TMPRSS15: variants seen among roughly 807,000 people sequenced by gnomAD.
TMPRSS15 encodes enteropeptidase.
In TMPRSS15, 128 loss-of-function variants were observed where a neutral mutation model predicts 125.3. The observed-to-expected ratio is 1.02, with a 90% CI of 0.89 to 1.18. TMPRSS15 has a LOEUF of 1.18. TMPRSS15 is among the 50% of genes most tolerant of loss of function. TMPRSS15 has a pLI of 0.00. For synonymous variants in TMPRSS15, 446 were observed against 423.2 expected, an observed-to-expected ratio of 1.05 and a Z score of -0.66; for missense variants, 1,283 against 1,212.7, an observed-to-expected ratio of 1.06 and a Z score of -0.86.
intron 1 of TMPRSS15, among the ~76,000 whole-genome samples, chr21:18,400,356 T>C (rs1041052745): frequency 3.3e-5 from 5 of 152,192 alleles, no homozygotes; most frequent in African/African-American, 1.2e-4. Flanking sequence ...TAAAACAGCA[T>C]GGTAGTAGTA....
At chr21:18,411,211 T>C (rs1286317839) in intron 1 of TMPRSS15, among the ~76,000 whole-genome samples, 1 of 152,180 alleles carries the variant, frequency 6.6e-6, no homozygotes, top group Non-Finnish European at 1.5e-5. Flanking sequence ...TTTTAATTAC[T>C]AAAAAGTGTA....
At position 18,293,624 on chromosome 21, in the gene TMPRSS15, C is replaced by G. The variant is rs540285200; in HGVS notation, c.2486+646G>C. On this transcript the variant is annotated intron_variant, in intron 21 of 24. Transcript: ENST00000284885. ...AGCTTTTCCTCCTTTACTCCCACCC[C>G]CTTCCATCCACTCTGTTCTCTCCTC... Among the ~76,000 whole-genome samples, 31 of 152,294 alleles carry G rather than the reference C, an allele frequency of 2.0e-4. 2 individuals carry two copies. The East Asian group carries it at 5.6e-3, about 27-fold the overall frequency.
chr21:18,452,733 C>T (rs943893272), intron 1 of TMPRSS15, among the ~76,000 whole-genome samples: 5 of 146,852 alleles, frequency 3.4e-5, no homozygotes, highest in African/African-American at 5.0e-5. Context: ...ATGAACTAAT[C>T]GATGACAATT....
chr21:18,414,191 T>C (rs2076174645), intron 1 of TMPRSS15, among the ~76,000 whole-genome samples: 1 of 147,832 alleles, frequency 6.8e-6, no homozygotes, highest in Non-Finnish European at 1.5e-5. Context: ...TTTTAACAGT[T>C]TTTTTTAAGA....
At chr21:18,417,545 T>C (rs2076183155) in intron 1 of TMPRSS15, among the ~76,000 whole-genome samples, 1 of 152,200 alleles carries the variant, frequency 6.6e-6, no homozygotes, top group African/African-American at 2.4e-5. Flanking sequence ...TTAAGACTCC[T>C]ACTACATAAG....
intron 3 of TMPRSS15, among the ~76,000 whole-genome samples, chr21:18,395,265 T>A (rs1464870654): frequency 6.6e-6 from 1 of 152,196 alleles, no homozygotes; most frequent in Non-Finnish European, 1.5e-5. Context: ...ATTGCTTCAC[T>A]CTGTCTTGAG....
intron 1 of TMPRSS15, among the ~76,000 whole-genome samples, chr21:18,451,256 T>C (rs1390389753): frequency 3.9e-5 from 6 of 152,212 alleles, no homozygotes; most frequent in Non-Finnish European, 8.8e-5. Flanking sequence ...AATGTTGCTA[T>C]TAGCTTATCT....
rs530001424 is a variant in TMPRSS15, at chr21:18,356,372, T to G, written c.881-2509A>C. Among the ~76,000 whole-genome samples the G allele has an allele frequency of 3.3e-5, 5 of 151,954 alleles. No homozygotes were observed. The South Asian group carries it at 8.3e-4, about 25-fold the overall frequency. On this transcript the variant is annotated intron_variant, in intron 8 of 24. Transcript: ENST00000284885. ...ACCATCTTTATTATAAAATAATTTC[T>G]AATATATTCAACACGTCTTAGTGAG...
At chr21:18,377,887 C>T (rs1304741022) in intron 5 of TMPRSS15, among the ~76,000 whole-genome samples, 1 of 152,080 alleles carries the variant, frequency 6.6e-6, no homozygotes, top group Non-Finnish European at 1.5e-5. Context: ...GCAGATGTTT[C>T]AGCCAATTCT....
chr21:18,372,321 T>C lies in TMPRSS15; in HGVS notation c.536A>G (p.Asn179Ser), dbSNP rs1412354167. Reference sequence around the variant, plus strand: ...ACCAGGCAGGCACTCTATTGAGACATTTCCTTTAAAAAATAACTGAAATTA... The same window carrying C: ...ACCAGGCAGGCACTCTATTGAGACACTTCCTTTAAAAAATAACTGAAATTA... ...TTTSHLATPGNVSIECLPGSS... is the reference protein window; with the variant it reads ...TTTSHLATPGSVSIECLPGSS... The change falls in exon 6 of 25, where the codon AAT becomes AGT. Residue 179 changes from asparagine to serine, a missense_variant. Physicochemically the swap from Asn to Ser is conservative, Grantham distance 46. Transcript: ENST00000284885. 6.2e-7 allele frequency: 1 copy of C among 1,612,618 alleles called. No homozygotes were observed. Among genetic ancestry groups the C allele is most frequent in the Non-Finnish European group, 8.5e-7 (1 of 1,178,948 alleles).
intron 21 of TMPRSS15, among the ~76,000 whole-genome samples, chr21:18,286,598 C>A (rs73893051): frequency 0.023 from 3,569 of 152,302 alleles, 153 homozygotes; most frequent in African/African-American, 0.079. Flanking sequence ...GCAGATGACT[C>A]TAACCATCAG....
intron 3 of TMPRSS15, among the ~76,000 whole-genome samples, chr21:18,395,837 T>C (rs2076029503): frequency 6.6e-6 from 1 of 152,134 alleles, no homozygotes; most frequent in Admixed American, 6.6e-5. Flanking sequence ...CCCTGGAATA[T>C]AATAAATAAT....
intron 21 of TMPRSS15, among the ~76,000 whole-genome samples, chr21:18,287,185 TCTC>T (rs549123598): frequency 4.6e-5 from 7 of 152,168 alleles, no homozygotes; most frequent in Non-Finnish European, 1.0e-4. Context: ...AGCACTATCA[TCTC>T]CAAACTTAGA....
At chr21:18,358,739 G>T (rs960993160) in intron 8 of TMPRSS15, among the ~76,000 whole-genome samples, 2 of 151,848 alleles carry the variant, frequency 1.3e-5, no homozygotes, top group African/African-American at 4.8e-5. Context: ...AACATATTTT[G>T]CAGGTTTGTT....
rs999681409 is a variant in TMPRSS15, at chr21:18,274,272, C to T, written c.2904+925G>A. 1.1e-4 allele frequency among the ~76,000 whole-genome samples: 17 copies of T among 152,090 alleles called. No homozygotes were observed. The East Asian group carries it at 1.5e-3, about 14-fold the overall frequency. On this transcript the variant is annotated intron_variant, in intron 24 of 24. Transcript: ENST00000284885. ...TCTCCATAAACCCTAAGTCACTTGCCCAAAGTCTCACCAATAAGTGTTAAA... is the reference window on the plus strand; with the variant it reads ...TCTCCATAAACCCTAAGTCACTTGCTCAAAGTCTCACCAATAAGTGTTAAA...
chr21:18,314,694 T>C (rs2075142396), intron 17 of TMPRSS15, among the ~76,000 whole-genome samples: 1 of 151,796 alleles, frequency 6.6e-6, no homozygotes, highest in Admixed American at 6.6e-5. Context: ...AAAGTATCCA[T>C]TACTCATAAT....
At position 18,383,763 on chromosome 21, in the gene TMPRSS15, T is replaced by C. The variant is rs187061515; in HGVS notation, c.360A>G (p.Ile120Met). ...GGGCAAAGAAAAGGTCAAATACGAC[T>C]ATAATGCTGCCATTTCTGCAAAGCA... is the stretch of plus-strand genomic sequence containing the variant. ...RVLQFENGSI[I>M]VVFDLFFAQW... Residue 120 changes from isoleucine (I) to methionine (M), a missense_variant, in exon 4 of 25, where the codon ATA (isoleucine) becomes ATG (methionine). Ile to Met is a conservative substitution (Grantham distance 10, BLOSUM62 1). Coordinates refer to ENST00000284885, the MANE Select transcript of TMPRSS15 (RefSeq NM_002772.3). 245 of 1,613,518 alleles carry C rather than the reference T, an allele frequency of 1.5e-4. 1 individual carries two copies. The East Asian group carries it at 3.6e-3, about 24-fold the overall frequency.
intron 8 of TMPRSS15, among the ~76,000 whole-genome samples, chr21:18,358,103 C>A (rs775630236): frequency 6.6e-6 from 1 of 151,698 alleles, no homozygotes; most frequent in Non-Finnish European, 1.5e-5. Flanking sequence ...TTAGTCACAT[C>A]TCTATGGCTA....
intron 1 of TMPRSS15, among the ~76,000 whole-genome samples, chr21:18,461,995 T>C (rs972804966): frequency 2.6e-5 from 4 of 152,170 alleles, no homozygotes; most frequent in African/African-American, 7.2e-5. Context: ...ACTAATTTTA[T>C]TGTATTCTTC....
Sources: gnomAD v4.1 joint callset for allele counts (sites outside exome capture counted in the v4.1 genomes callset) on GRCh38, gnomAD v4.1.1 for gene constraint, MANE v1.5 for transcripts, NCBI Gene and HGNC (gene_info 2026-07-23, HGNC 2026-07-21) for gene names.